Variants in FSTL5 observed in about 807,000 individuals in gnomAD.
The protein encoded by FSTL5 is follistatin like 5, also known as follistatin-related protein 5.
A neutral mutation model predicts 89.1 loss-of-function variants in FSTL5; 62 were observed. The ratio of observed to expected loss-of-function variants is 0.70; its 90% CI spans 0.57 to 0.86. The LOEUF is 0.86. FSTL5 is among the 40% of genes least tolerant of loss of function. FSTL5 has a pLI of 0.00. For missense variants in FSTL5, 1,057 were observed against 1,001.6 expected, an observed-to-expected ratio of 1.06 and a Z score of -0.75; for synonymous variants, 383 against 346.2, an observed-to-expected ratio of 1.11 and a Z score of -1.18.
intron 10 of FSTL5, among the ~76,000 whole-genome samples, chr4:161,519,103 T>G (rs1730936646): frequency 6.6e-6 from 1 of 152,206 alleles, no homozygotes; most frequent in Non-Finnish European, 1.5e-5. Context: ...CTTTATGACC[T>G]GGCATCGGAA....
At chr4:161,784,073 T>C (rs1253540378) in intron 4 of FSTL5, among the ~76,000 whole-genome samples, 2 of 151,782 alleles carry the variant, frequency 1.3e-5, no homozygotes, top group African/African-American at 4.8e-5. Context: ...GTAGCTGGGA[T>C]TACAGGCACG....
Position 161,784,868 on chromosome 4 carries a change from T to C in FSTL5, c.410-8794A>G, listed in dbSNP as rs562842427. Among the ~76,000 whole-genome samples the C allele has an allele frequency of 4.8e-5, 5 of 105,146 alleles. No homozygotes were observed. The East Asian group carries it at 1.3e-3, about 27-fold the overall frequency. The allele number at this position is 105,146 out of a possible 152,430, so 69.0% of individuals were successfully genotyped here. A position where few individuals can be genotyped will look rare whatever the true frequency, so the allele number is the denominator to read the frequency against. ...AAGATCGCGCCACTGCACTCCAGTC[T>C]GGCGACAGAGCAAGACTCCGTCTCA... On this transcript the variant is annotated intron_variant, in intron 4 of 15. Coordinates refer to ENST00000306100, the MANE Select transcript of FSTL5 (RefSeq NM_020116.5).
At chr4:161,585,681 C>T (rs561964780) in intron 8 of FSTL5, among the ~76,000 whole-genome samples, 14 of 151,038 alleles carry the variant, frequency 9.3e-5, no homozygotes, top group Non-Finnish European at 1.8e-4. Flanking sequence ...GAGGACCAGA[C>T]GTGCAAGAAC....
intron 4 of FSTL5, among the ~76,000 whole-genome samples, chr4:161,916,040 A>G (rs1400826426): frequency 6.6e-6 from 1 of 152,156 alleles, no homozygotes. Context: ...GAAAAAAGTC[A>G]GGTAAAATAA....
intron 3 of FSTL5, among the ~76,000 whole-genome samples, chr4:161,957,527 C>A (rs1031296479): frequency 1.3e-5 from 2 of 152,002 alleles, no homozygotes; most frequent in Admixed American, 6.6e-5. Flanking sequence ...TTTAAAAATT[C>A]TTGTTCTCCT....
At chr4:161,699,282 G>T (rs1462858304) in intron 6 of FSTL5, among the ~76,000 whole-genome samples, 1 of 152,028 alleles carries the variant, frequency 6.6e-6, no homozygotes, top group South Asian at 2.1e-4. Flanking sequence ...AACCTATGAT[G>T]TATACATAAA....
intron 10 of FSTL5, among the ~76,000 whole-genome samples, chr4:161,513,003 A>G (rs748821364): frequency 1.3e-5 from 2 of 152,104 alleles, no homozygotes; most frequent in Non-Finnish European, 2.9e-5. Context: ...TAAACTACAA[A>G]ACAAAAAGCC....
chr4:162,155,019 C>T (rs1733411584), intron 1 of FSTL5, among the ~76,000 whole-genome samples: 1 of 152,142 alleles, frequency 6.6e-6, no homozygotes, highest in African/African-American at 2.4e-5. Flanking sequence ...CAACCAGGTA[C>T]AGTAGGCAGA....
intron 6 of FSTL5, among the ~76,000 whole-genome samples, chr4:161,743,477 A>C (rs1313484445): frequency 6.6e-6 from 1 of 152,156 alleles, no homozygotes; most frequent in African/African-American, 2.4e-5. Flanking sequence ...ATAAGAAAGA[A>C]TGACATCCCC....
At chr4:161,911,032 T>A (rs928287899) in intron 4 of FSTL5, among the ~76,000 whole-genome samples, 3 of 152,152 alleles carry the variant, frequency 2.0e-5, no homozygotes, top group Admixed American at 2.0e-4. Flanking sequence ...CCTGTGAACT[T>A]CAAATCACAG....
In FSTL5 at chr4:161,513,272, G is replaced by GGAGAGAGAGAGAGAGA. The variant is rs6148753; in HGVS notation, c.1313-2864_1313-2849dup. 5.6e-3 allele frequency among the ~76,000 whole-genome samples: 612 copies of GGAGAGAGAGAGAGAGA among 109,930 alleles called. 72 individuals carry two copies. Among genetic ancestry groups the GGAGAGAGAGAGAGAGA allele is most frequent in the East Asian group, 0.024 (79 of 3,334 alleles). 72.1% of individuals were successfully genotyped at this position (109,930 alleles called of 152,430 possible). The stretch of plus-strand genomic sequence containing the variant: ...ACTGAACTGAACCAAACAAGGAGGG[G>GGAGAGAGAGAGAGAGA]GAGAGAGAGAGAGAGAGAGAGAGAG... On this transcript the variant is annotated intron_variant, in intron 10 of 15. Transcript: ENST00000306100.
chr4:161,424,302 AT>A (rs1354339838), intron 15 of FSTL5, among the ~76,000 whole-genome samples: 1 of 151,428 alleles, frequency 6.6e-6, no homozygotes, highest in African/African-American at 2.4e-5. Context: ...TAATATAATT[AT>A]TTTGTCTTTG....
intron 13 of FSTL5, among the ~76,000 whole-genome samples, chr4:161,462,106 A>G (rs1733603483): frequency 6.6e-6 from 1 of 152,214 alleles, no homozygotes; most frequent in Non-Finnish European, 1.5e-5. Flanking sequence ...ACATACTACA[A>G]AGCATAGGTT....
chr4:161,850,443 T>C (rs1731511949), intron 4 of FSTL5, among the ~76,000 whole-genome samples: 4 of 152,204 alleles, frequency 2.6e-5, no homozygotes, highest in Admixed American at 2.6e-4. Flanking sequence ...CTTTTTAGCA[T>C]ACTTGAATTG....
intron 3 of FSTL5, among the ~76,000 whole-genome samples, chr4:161,956,153 A>C (rs1235036792): frequency 1.3e-5 from 2 of 151,916 alleles, no homozygotes; most frequent in African/African-American, 4.8e-5. Context: ...CAGGATTTCT[A>C]CTACAAGTTG....
intron 10 of FSTL5, among the ~76,000 whole-genome samples, chr4:161,517,935 T>G (rs1730895842): frequency 1.3e-5 from 2 of 152,172 alleles, no homozygotes; most frequent in South Asian, 4.1e-4. Flanking sequence ...GTGGATAAAG[T>G]GTAATCTGTA....
chr4:162,104,187 G>A (rs1731118550), intron 2 of FSTL5, among the ~76,000 whole-genome samples: 2 of 152,152 alleles, frequency 1.3e-5, no homozygotes, highest in Admixed American at 1.3e-4. Context: ...CTCCCTATTG[G>A]GCTAAAGGCT....
intron 15 of FSTL5, among the ~76,000 whole-genome samples, chr4:161,394,372 T>A (rs141058242): frequency 0.047 from 7,195 of 152,170 alleles, 429 homozygotes; most frequent in East Asian, 0.19. Context: ...ACCTTCTGGG[T>A]TCAAGTGATT....
intron 6 of FSTL5, among the ~76,000 whole-genome samples, chr4:161,716,426 G>A (rs572391038): frequency 6.6e-6 from 1 of 151,960 alleles, no homozygotes; most frequent in Non-Finnish European, 1.5e-5. Context: ...GCAAAACCCT[G>A]TCTCTACTAA....
Sources: allele counts gnomAD v4.1 joint callset (sites outside exome capture counted in the v4.1 genomes callset), GRCh38; gene constraint gnomAD v4.1.1; transcripts MANE v1.5; gene names NCBI Gene and HGNC (gene_info 2026-07-23, HGNC 2026-07-21).